Variants in FCRL5 observed in about 807,000 individuals in gnomAD.
FCRL5 encodes Fc receptor like 5, also known as Fc receptor-like protein 5.
FCRL5 carries 79 observed loss-of-function variants against 92.1 expected under a neutral mutation model. The ratio of observed to expected loss-of-function variants is 0.86; its 90% CI spans 0.72 to 1.03. The LOEUF (loss-of-function observed/expected upper bound fraction) is 1.03. Ranked by LOEUF, FCRL5 falls within the 50% of genes least tolerant of loss-of-function variation. The pLI is 0.00. For missense variants in FCRL5, 1,160 were observed against 1,181.1 expected (o/e 0.98, Z 0.26); for synonymous variants, 466 against 469.3 (o/e 0.99, Z 0.09).
At chr1:157,529,600 T>C (rs201036579) in intron 8 of FCRL5, among the ~76,000 whole-genome samples, 9,842 of 150,012 alleles carry the variant, frequency 0.066, 795 homozygotes, top group African/African-American at 0.19. Flanking sequence ...TACGCATGTG[T>C]GTGTGTGTGT....
chr1:157,548,466 G>T (rs1191663178), intron 2 of FCRL5, among the ~76,000 whole-genome samples: 1 of 152,174 alleles, frequency 6.6e-6, no homozygotes, highest in Non-Finnish European at 1.5e-5. Context: ...CTTCTGCACA[G>T]CAAAAGAAAC....
chr1:157,542,686 A>G, intron 6 of FCRL5, 173 bp downstream of exon 6: 1 of 785,862 alleles, frequency 1.3e-6, no homozygotes. Context: ...CTGCAATGCA[A>G]CGAGACTCAA....
chr1:157,542,482 G>T (rs529396706), intron 6 of FCRL5: 126 of 199,648 alleles, frequency 6.3e-4, no homozygotes, highest in Non-Finnish European at 1.0e-3. Flanking sequence ...GATATTAACA[G>T]AACAGGAGAT....
intron 8 of FCRL5, chr1:157,528,178 C>T (rs1191780099): frequency 4.1e-6 from 1 of 245,982 alleles, no homozygotes; most frequent in African/African-American, 2.2e-5. Flanking sequence ...CAATAGTGAC[C>T]AAGCTGAGAA....
Position 157,527,741 on chromosome 1 carries a change from G to A in FCRL5, c.1836C>T (p.Ala612=). The stretch of plus-strand genomic sequence containing the variant: ...TGAAAGAAGCTTCTCCTCCAGAGGG[G>A]GCTGAGCTGCTCCCCAGGGTGACAT... ...HEDVTLGSSS[A]PSGGEASFNL... Residue 612 remains alanine (A), a synonymous_variant, in exon 9 of 17, where the codon GCC becomes GCT. Transcript: ENST00000361835. 15 of 1,614,182 alleles carry A rather than the reference G, an allele frequency of 9.3e-6. No homozygotes were observed. Among genetic ancestry groups the A allele is most frequent in the Non-Finnish European group, 1.3e-5 (15 of 1,180,016 alleles).
At chr1:157,517,855 T>C (rs1311745178) in intron 15 of FCRL5, among the ~76,000 whole-genome samples, 2 of 152,156 alleles carry the variant, frequency 1.3e-5, no homozygotes, top group African/African-American at 2.4e-5. Flanking sequence ...TGTGATGGCA[T>C]TTGGAGGTGG....
In FCRL5 at chr1:157,519,605, C is replaced by A. The variant is rs935520529; in HGVS notation, c.2660+138G>T. ...AATTGCCTTAAGATATCCCCAGGGA[C>A]GTACAACAGGTAGTGGCCACACCCC... On this transcript the variant is annotated intron_variant, in intron 13 of 16. Transcript: ENST00000361835. The A allele has an allele frequency of 1.4e-5, 12 of 865,632 alleles. No individual in the cohort carries two copies. The African/African-American group carries it at 2.0e-4, about 14-fold the overall frequency. The allele number at this position is 865,632 out of a possible 1,614,324, so 53.6% of individuals were successfully genotyped here.
At position 157,547,160 on chromosome 1, in the gene FCRL5, T is replaced by C. The variant is rs763800455; in HGVS notation, c.90A>G (p.Pro30=). 4.3e-6 allele frequency: 7 copies of C among 1,613,974 alleles called. No homozygotes were observed. The South Asian group carries it at 5.5e-5, about 13-fold the overall frequency. ...TPRPIIFLQP[P]WTTVFQGERV... is the part of the protein sequence containing the mutation. ...TCTCTCCTTGGAAGACTGTGGTCCA[T>C]GGAGGCTGGAGGAAAATAATGGGCC... Residue 30 remains proline, a synonymous_variant, in exon 3 of 17, where the codon CCA becomes CCG. Coordinates refer to ENST00000361835, the MANE Select transcript of FCRL5 (RefSeq NM_031281.3).
At position 157,515,917 on chromosome 1, in the gene FCRL5, G is replaced by T. The variant is rs149196138; in HGVS notation, c.2813-44C>A. The T allele has an allele frequency of 1.5e-4, 236 of 1,609,694 alleles. No individual in the cohort carries two copies. The African/African-American group carries it at 2.9e-3, about 20-fold the overall frequency. ...GTTCAGTTGTGGAAGACTGGCATGGGGCTCTTCCCTTGTGCCTGCGCTGTG... is the reference window on the plus strand; with the variant it reads ...GTTCAGTTGTGGAAGACTGGCATGGTGCTCTTCCCTTGTGCCTGCGCTGTG... On this transcript the variant is annotated intron_variant, in intron 15 of 16. Transcript: ENST00000361835.
chr1:157,533,726 A>G (rs888452622), intron 8 of FCRL5: 1 of 152,458 alleles, frequency 6.6e-6, no homozygotes, highest in Admixed American at 6.5e-5. Context: ...TATGAGAAGA[A>G]AGTAAAACAT....
Position 157,520,434 on chromosome 1 carries a change from C to T in FCRL5, c.2629G>A (p.Ala877Thr). The change falls in exon 12 of 17, where the codon GCA becomes ACA. Residue 877 changes from alanine to threonine, a missense_variant. Physicochemically the swap from Ala to Thr is moderately conservative, Grantham distance 58. Transcript: ENST00000361835. ...LLLYCWLSRKAGRKPASDPAR... is the reference protein window; with the variant it reads ...LLLYCWLSRKTGRKPASDPAR... ...AGGTGTGCCCAGAGTCACCCACCTG[C>T]TTTTCTCGAGAGCCAGCAGTAGAGC... The T allele has an allele frequency of 1.3e-6, 2 of 1,574,394 alleles. No homozygotes were observed. The highest frequency in any genetic ancestry group is 1.7e-6 in the Non-Finnish European group (2 of 1,158,774).
chr1:157,523,243 G>A (rs986381021), intron 10 of FCRL5, among the ~76,000 whole-genome samples: 3 of 152,196 alleles, frequency 2.0e-5, no homozygotes, highest in Admixed American at 1.3e-4. Context: ...GCATACCATT[G>A]TATGGTCTCG....
chr1:157,534,815 A>G lies in FCRL5; in HGVS notation c.1480T>C (p.Cys494Arg), dbSNP rs1279675885. 6.2e-7 allele frequency: 1 copy of G among 1,606,088 alleles called. No individual in the cohort carries two copies. The change falls in exon 8 of 17, where the codon TGT becomes CGT. Residue 494 changes from cysteine to arginine, a missense_variant. Coordinates refer to ENST00000361835, the MANE Select transcript of FCRL5 (RefSeq NM_031281.3). ...TFEGATVTLH[C>R]EVQRGSPQIL... ...TGTGGGGAACCTCTCTGGACTTCAC[A>G]GTGAAGTGTCACAGTGGCTCCTTCA...
rs1226836228 is a variant in FCRL5, at chr1:157,539,329, G to A, written c.1159C>T (p.Pro387Ser). 2 of 1,614,006 alleles carry A rather than the reference G, an allele frequency of 1.2e-6. No individual in the cohort carries two copies. The highest frequency in any genetic ancestry group is 2.2e-5 in the South Asian group (2 of 91,046). Residue 387 changes from proline (P) to serine (S), a missense_variant, in exon 7 of 17, where the codon CCT becomes TCT. By Grantham distance (74) the Pro-to-Ser change is moderately conservative. Coordinates refer to ENST00000361835, the MANE Select transcript of FCRL5 (RefSeq NM_031281.3). Reference sequence around the variant, plus strand: ...GCTCCCTCAAAAATCAGGTCCTCAGGAGAGCTGAGGTTGAGGACAGGATGA... The same window carrying A: ...GCTCCCTCAAAAATCAGGTCCTCAGAAGAGCTGAGGTTGAGGACAGGATGA... The part of the protein sequence containing the change: ...VSHPVLNLSS[P>S]EDLIFEGAKV...
rs1571093864 is a variant in FCRL5 at position 157,534,424 on chromosome 1, CT to C, written c.1681+189del. 4.1e-6 allele frequency: 3 copies of C among 724,044 alleles called. No individual in the cohort carries two copies. In the East Asian group the frequency reaches 8.0e-5, roughly 19 times the overall value. 44.9% of individuals were successfully genotyped at this position (724,044 alleles called of 1,614,324 possible). A position where few individuals can be genotyped will look rare whatever the true frequency, so the allele number is the denominator to read the frequency against. On this transcript the variant is annotated intron_variant, in intron 8 of 16. Coordinates refer to ENST00000361835, the MANE Select transcript of FCRL5 (RefSeq NM_031281.3). ...GGTAAAAGCTGGGGAATCTACTGAG[CT>C]GTTTTAGGGGTCTGGCTGAGCCAGG... is the stretch of plus-strand genomic sequence containing the variant.
rs778159163 is a variant in FCRL5, at chr1:157,527,686, T to C, written c.1891A>G (p.Asn631Asp). 44 of 1,614,074 alleles carry C rather than the reference T, an allele frequency of 2.7e-5. No individual in the cohort carries two copies. The East Asian group carries it at 9.4e-4, about 34-fold the overall frequency. The change falls in exon 9 of 17, where the codon AAC becomes GAC. Residue 631 changes from asparagine to aspartate, a missense_variant. Transcript: ENST00000361835. The part of the protein sequence containing the change: ...NLSLTAEHSG[N>D]YSCEANNGLV... ...CCATTGTTGGCCTCACATGAGTAGT[T>C]TCCAGAATGTTCTGCAGTCAGAGAG...
At chr1:157,529,595 ATG>A (rs35434812) in intron 8 of FCRL5, among the ~76,000 whole-genome samples, 108,403 of 139,760 alleles carry the variant, frequency 0.78, 41,790 homozygotes, top group Middle Eastern at 0.87. Context: ...ATACATACGC[ATG>A]TGTGTGTGTG....
intron 8 of FCRL5, chr1:157,533,802 CT>C (rs1263338076): frequency 6.5e-6 from 1 of 152,730 alleles, no homozygotes; most frequent in East Asian, 1.9e-4. Flanking sequence ...AGATTTGGCT[CT>C]GACTTTGGAG....
Position 157,515,989 on chromosome 1 carries a change from G to A in FCRL5, c.2813-116C>T, listed in dbSNP as rs186299739. The stretch of plus-strand genomic sequence containing the variant: ...GAGGCCCGCTCTCCCTCTGTGCGGT[G>A]AGTAGCCATTCCTCTTAGTTGGTGC... On this transcript the variant is annotated intron_variant, in intron 15 of 16. Transcript: ENST00000361835. The A allele has an allele frequency of 8.2e-5, 92 of 1,119,676 alleles. 1 individual carries two copies. The East Asian group carries it at 1.8e-3, about 22-fold the overall frequency. The allele number at this position is 1,119,676 out of a possible 1,614,324, so 69.4% of individuals were successfully genotyped here. A position where few individuals can be genotyped will look rare whatever the true frequency, so the allele number is the denominator to read the frequency against.
Sources: allele counts gnomAD v4.1 joint callset (sites outside exome capture counted in the v4.1 genomes callset), GRCh38; gene constraint gnomAD v4.1.1; transcripts MANE v1.5; gene names NCBI Gene and HGNC (gene_info 2026-07-23, HGNC 2026-07-21).